Variants in RCHY1 observed in about 807,000 individuals in gnomAD.
RCHY1 encodes the protein ring finger and CHY zinc finger domain containing 1.
In RCHY1, 21 loss-of-function variants were observed where a neutral mutation model predicts 41.6. The observed-to-expected ratio is 0.51, with a 90% CI of 0.36 to 0.73. The LOEUF (loss-of-function observed/expected upper bound fraction) is 0.73. RCHY1 is among the 30% of genes least tolerant of loss of function. The pLI is 0.00. For synonymous variants in RCHY1, 79 were observed against 102.9 expected (o/e 0.77, Z 1.41); for missense variants, 265 against 325.3 (o/e 0.81, Z 1.43).
chr4:75,486,063 GCTT>G (rs1480985712), intron 8 of RCHY1, among the ~76,000 whole-genome samples: 1 of 152,120 alleles, frequency 6.6e-6, no homozygotes, highest in Non-Finnish European at 1.5e-5. Flanking sequence ...GCCCACTAGA[GCTT>G]CTTCTTCCCT....
At chr4:75,498,465 T>A (rs182648554) in intron 3 of RCHY1, among the ~76,000 whole-genome samples, 1,320 of 113,150 alleles carry the variant, frequency 0.012, 10 homozygotes, top group South Asian at 0.018. Context: ...CCCTGAATAG[T>A]CAAAGCAATC....
chr4:75,485,174 A>G (rs559581368), intron 8 of RCHY1, among the ~76,000 whole-genome samples: 12 of 152,348 alleles, frequency 7.9e-5, no homozygotes, highest in Non-Finnish European at 1.3e-4. Flanking sequence ...TACTGTGCCC[A>G]GGCATGGACA....
At chr4:75,494,203 AAGATT>A (rs1374012090) in intron 3 of RCHY1, 24 bp from the exon 4 acceptor site, 3 of 1,463,426 alleles carry the variant, frequency 2.0e-6, no homozygotes, top group Middle Eastern at 1.7e-4. Context: ...TGAAAGCCAA[AAGATT>A]AGATTATTTT....
At chr4:75,511,396 T>C (rs1724861449) in intron 1 of RCHY1, among the ~76,000 whole-genome samples, 1 of 152,240 alleles carries the variant, frequency 6.6e-6, no homozygotes, top group African/African-American at 2.4e-5. Flanking sequence ...TCATTTTCAT[T>C]TGTAGTGAGT....
At chr4:75,502,623 T>C (rs537387418) in intron 3 of RCHY1, among the ~76,000 whole-genome samples, 12 of 152,328 alleles carry the variant, frequency 7.9e-5, no homozygotes, top group African/African-American at 2.9e-4. Flanking sequence ...CTGTTTGCAA[T>C]TATCATATGG....
At chr4:75,487,137 T>C (rs1181127237) in intron 8 of RCHY1, among the ~76,000 whole-genome samples, 3 of 152,086 alleles carry the variant, frequency 2.0e-5, no homozygotes, top group Non-Finnish European at 4.4e-5. Flanking sequence ...GGTAAAAAAC[T>C]GACAGATTGG....
intron 3 of RCHY1, among the ~76,000 whole-genome samples, chr4:75,494,589 AT>A (rs1330812846): frequency 1.3e-5 from 2 of 151,758 alleles, no homozygotes; most frequent in Non-Finnish European, 2.9e-5. Flanking sequence ...ATGTATACTA[AT>A]TTTTTTAAAT....
intron 3 of RCHY1, among the ~76,000 whole-genome samples, chr4:75,502,428 T>C (rs1723868832): frequency 6.6e-6 from 1 of 151,644 alleles, no homozygotes; most frequent in Non-Finnish European, 1.5e-5. Flanking sequence ...TAGTCCCAGT[T>C]ACTTGGGAGG....
Position 75,482,209 on chromosome 4 carries a change from C to T in RCHY1, c.*329G>A, listed in dbSNP as rs9189. 2,755 of 162,860 alleles carry T rather than the reference C, an allele frequency of 0.017. 25 individuals are homozygous for T. The highest frequency in any genetic ancestry group is 0.026 in the African/African-American group (1,102 of 41,998). The allele number at this position is 162,860 out of a possible 1,614,324, so 10.1% of individuals were successfully genotyped here. A position where few individuals can be genotyped will look rare whatever the true frequency, so the allele number is the denominator to read the frequency against. ...TCAAGAACTAGAAATGAACTGCACG[C>T]GTAGTGTCACTTAAAGCAAAGCTTC... On this transcript the variant is annotated 3_prime_UTR_variant, in exon 9 of 9. Transcript: ENST00000324439.
intron 8 of RCHY1, among the ~76,000 whole-genome samples, chr4:75,489,164 T>C (rs766908278): frequency 7.9e-5 from 12 of 152,152 alleles, no homozygotes; most frequent in Non-Finnish European, 1.5e-4. Flanking sequence ...ATAAAATTTA[T>C]ATATATTGCT....
intron 1 of RCHY1, among the ~76,000 whole-genome samples, chr4:75,511,792 A>G (rs1303495624): frequency 1.3e-5 from 2 of 151,404 alleles, no homozygotes; most frequent in African/African-American, 4.9e-5. Flanking sequence ...TCCACCATCA[A>G]TGCGTGTGTC....
chr4:75,512,381 T>A (rs1013782065), intron 1 of RCHY1, among the ~76,000 whole-genome samples: 2 of 152,166 alleles, frequency 1.3e-5, no homozygotes, highest in African/African-American at 4.8e-5. Flanking sequence ...TTATCTCTAT[T>A]AACTTACTTG....
chr4:75,502,023 G>A (rs1723816886), intron 3 of RCHY1, among the ~76,000 whole-genome samples: 1 of 151,806 alleles, frequency 6.6e-6, no homozygotes. Flanking sequence ...GGTGAGCCAA[G>A]ACAGTGCCAT....
At chr4:75,504,114 A>G (rs1470715958) in intron 3 of RCHY1, among the ~76,000 whole-genome samples, 2 of 152,262 alleles carry the variant, frequency 1.3e-5, no homozygotes, top group African/African-American at 2.4e-5. Flanking sequence ...GAGATCTGGA[A>G]TTAGTATTGC....
chr4:75,499,953 A>C (rs1407532754), intron 3 of RCHY1, among the ~76,000 whole-genome samples: 1 of 152,230 alleles, frequency 6.6e-6, no homozygotes, highest in Non-Finnish European at 1.5e-5. Flanking sequence ...CAAATATTTA[A>C]GCCTGGGCAA....
intron 8 of RCHY1, among the ~76,000 whole-genome samples, chr4:75,483,443 G>T (rs552902084): frequency 1.3e-5 from 2 of 152,154 alleles, no homozygotes; most frequent in East Asian, 3.8e-4. Context: ...GGCCTGGGGC[G>T]TTAGGGAATG....
rs778110214 is a variant in RCHY1, at chr4:75,508,865, TCAAA to T, written c.277_280del (p.Phe93ThrfsTer27). The T allele has an allele frequency of 1.9e-6, 3 of 1,611,802 alleles. No homozygotes were observed. The highest frequency in any genetic ancestry group is 2.5e-6 in the Non-Finnish European group (3 of 1,178,956). On this transcript the variant is annotated frameshift_variant, in exon 3 of 9. Transcript: ENST00000324439. LOFTEE classifies it high-confidence loss of function. ...ACAGTGATACTGCTTCTTATCTTTG[TCAAA>T]CAAATGGCATATATCGCAATAATAT...
chr4:75,485,916 T>G (rs578016769), intron 8 of RCHY1, among the ~76,000 whole-genome samples: 1 of 152,328 alleles, frequency 6.6e-6, no homozygotes, highest in East Asian at 1.9e-4. Flanking sequence ...AGGTGTCTGT[T>G]GAATATAATT....
chr4:75,501,301 G>A lies in RCHY1; in HGVS notation c.327-7122C>T, dbSNP rs892894559. Among the ~76,000 whole-genome samples the A allele has an allele frequency of 3.9e-5, 6 of 152,102 alleles. No individual in the cohort carries two copies. In the South Asian group the frequency reaches 6.2e-4, roughly 16 times the overall value. ...TAGGATTAGAGGCGTGAGCCACTGC[G>A]CCCAGCTCTTTTAATATTTTTATTA... On this transcript the variant is annotated intron_variant, in intron 3 of 8. Coordinates refer to ENST00000324439, the MANE Select transcript of RCHY1 (RefSeq NM_015436.4).
Sources: gnomAD v4.1 joint callset for allele counts (sites outside exome capture counted in the v4.1 genomes callset) on GRCh38, gnomAD v4.1.1 for gene constraint, MANE v1.5 for transcripts, NCBI Gene and HGNC (gene_info 2026-07-23, HGNC 2026-07-21) for gene names.